The following CHN1 variants were observed in gnomAD, a reference collection of about 807,000 sequenced individuals.
CHN1 encodes the protein chimerin 1.
Under a neutral mutation model 59.5 loss-of-function variants are expected in CHN1, and 37 were observed. The ratio of observed to expected loss-of-function variants is 0.62; its 90% CI spans 0.48 to 0.82. CHN1 has a LOEUF of 0.82. CHN1 is among the 40% of genes least tolerant of loss of function. The probability of loss-of-function intolerance (pLI) is 0.00; values close to 1 mark genes in which losing one functional copy is unlikely to be tolerated. For synonymous variants in CHN1, 206 were observed against 200.4 expected, an observed-to-expected ratio of 1.03 and a Z score of -0.24; for missense variants, 469 against 571.0, an observed-to-expected ratio of 0.82 and a Z score of 1.82.
intron 4 of CHN1, 103 bp from the exon 5 acceptor site, chr2:174,915,274 A>T (rs2105370524): frequency 1.1e-6 from 1 of 871,588 alleles, no homozygotes; most frequent in Admixed American, 2.1e-5. Flanking sequence ...TGTTTTCAAG[A>T]CAAAGTACTG....
chr2:174,932,476 G>A (rs1689378334), intron 3 of CHN1, among the ~76,000 whole-genome samples: 1 of 152,162 alleles, frequency 6.6e-6, no homozygotes, highest in Non-Finnish European at 1.5e-5. Context: ...GGCTACCCAG[G>A]TTTTCAAAGA....
intron 2 of CHN1, among the ~76,000 whole-genome samples, chr2:174,947,673 C>T (rs1479178693): frequency 6.6e-6 from 1 of 151,560 alleles, no homozygotes; most frequent in East Asian, 1.9e-4. Flanking sequence ...TTATAGAGAC[C>T]GGGTTTCACC....
chr2:174,914,344 T>C (rs1164668495), intron 5 of CHN1, among the ~76,000 whole-genome samples: 1 of 152,180 alleles, frequency 6.6e-6, no homozygotes, highest in East Asian at 1.9e-4. Context: ...GCTCAGCTGA[T>C]AGGGAAGAGC....
At chr2:174,947,472 CTCTT>C (rs753298721) in intron 2 of CHN1, among the ~76,000 whole-genome samples, 29 of 150,686 alleles carry the variant, frequency 1.9e-4, no homozygotes, top group Admixed American at 6.0e-4. Flanking sequence ...ATCTTTAAGA[CTCTT>C]TTTTTTTTTA....
chr2:174,915,300 G>C, intron 4 of CHN1, 129 bp from the exon 5 acceptor site: 1 of 728,180 alleles, frequency 1.4e-6, no homozygotes. Flanking sequence ...TAATGGAAGG[G>C]AAGCACTTGG....
At chr2:174,991,809 G>A (rs1480785910) in intron 1 of CHN1, among the ~76,000 whole-genome samples, 2 of 152,142 alleles carry the variant, frequency 1.3e-5, no homozygotes, top group East Asian at 3.8e-4. Context: ...GAATACCATG[G>A]TTTAGGGGAG....
chr2:174,854,261 T>C (rs1686832204), intron 6 of CHN1, among the ~76,000 whole-genome samples: 1 of 152,080 alleles, frequency 6.6e-6, no homozygotes, highest in Admixed American at 6.6e-5. Flanking sequence ...TTTTCACCTG[T>C]TTGTGAAGAG....
At chr2:174,957,448 G>C (rs1428344780) in intron 1 of CHN1, among the ~76,000 whole-genome samples, 3 of 138,654 alleles carry the variant, frequency 2.2e-5, no homozygotes, top group Non-Finnish European at 4.7e-5. Context: ...GTGTGTGTTG[G>C]GGGGGGGGGC....
intron 5 of CHN1, among the ~76,000 whole-genome samples, chr2:174,886,778 A>C (rs13408856): frequency 0.11 from 16,222 of 152,164 alleles, 1,927 homozygotes; most frequent in African/African-American, 0.3. Context: ...TTTAGGACTT[A>C]GTGTTCATTA....
At chr2:174,965,637 T>C (rs1690567885) in intron 1 of CHN1, among the ~76,000 whole-genome samples, 1 of 152,194 alleles carries the variant, frequency 6.6e-6, no homozygotes, top group South Asian at 2.1e-4. Flanking sequence ...AATTTTGAAT[T>C]GTATAAACAG....
At chr2:174,959,469 C>G (rs1462037141) in intron 1 of CHN1, among the ~76,000 whole-genome samples, 1 of 152,158 alleles carries the variant, frequency 6.6e-6, no homozygotes, top group Non-Finnish European at 1.5e-5. Flanking sequence ...AAAAGTGCCT[C>G]AATCTCTTGA....
At chr2:174,848,318 G>A (rs750689333) in intron 6 of CHN1, among the ~76,000 whole-genome samples, 1 of 152,052 alleles carries the variant, frequency 6.6e-6, no homozygotes, top group African/African-American at 2.4e-5. Flanking sequence ...CTACTTATAG[G>A]ACCCATATAC....
chr2:174,818,001 G>A (rs1302668117), intron 8 of CHN1, among the ~76,000 whole-genome samples: 1 of 151,994 alleles, frequency 6.6e-6, no homozygotes, highest in Non-Finnish European at 1.5e-5. Context: ...TTGAACTCCT[G>A]ACCTCAGATG....
chr2:174,902,686 G>A (rs571616303), intron 5 of CHN1, among the ~76,000 whole-genome samples: 1 of 152,142 alleles, frequency 6.6e-6, no homozygotes, highest in Non-Finnish European at 1.5e-5. Flanking sequence ...CCTATCATGA[G>A]CTATCAGATC....
rs1457092581 is a variant in CHN1 at position 174,877,904 on chromosome 2, G to C, written c.485C>G (p.Pro162Arg). Residue 162 changes from proline to arginine, a missense_variant, in exon 6 of 13, where the codon CCA (proline) becomes CGA (arginine). Physicochemically the swap from Pro to Arg is moderately radical, Grantham distance 103 (BLOSUM62 -2). Coordinates refer to ENST00000409900, the MANE Select transcript of CHN1 (RefSeq NM_001822.7). The stretch of plus-strand genomic sequence containing the variant: ...CTCATCATGTGTCTCTTTCAGGACT[G>C]GCATATGTTTTTTGTATGCTGGCTC... ...NREPAYKKHM[P>R]VLKETHDERD... 6 of 1,613,682 alleles carry C rather than the reference G, an allele frequency of 3.7e-6. No individual in the cohort carries two copies. Among genetic ancestry groups the C allele is most frequent in the Admixed American group, 1.7e-5 (1 of 59,988 alleles).
chr2:174,967,538 C>A (rs1212367077), intron 1 of CHN1, among the ~76,000 whole-genome samples: 1 of 152,006 alleles, frequency 6.6e-6, no homozygotes, highest in African/African-American at 2.4e-5. Context: ...TCCAATTCAA[C>A]AACTTAGACT....
At chr2:174,809,371 T>C (rs1233125366) in intron 10 of CHN1, among the ~76,000 whole-genome samples, 1 of 152,218 alleles carries the variant, frequency 6.6e-6, no homozygotes, top group East Asian at 1.9e-4. Context: ...GGACCAAGCG[T>C]ACATGGTTAA....
rs558784520 is a variant in CHN1, at chr2:174,954,055, A to C, written c.20-1853T>G. Among the ~76,000 whole-genome samples the C allele has an allele frequency of 1.0e-3, 159 of 152,234 alleles. 1 individual carries two copies. The highest frequency in any genetic ancestry group is 1.7e-3 in the Non-Finnish European group (114 of 68,038). On this transcript the variant is annotated intron_variant, in intron 1 of 12. Coordinates refer to ENST00000409900, the MANE Select transcript of CHN1 (RefSeq NM_001822.7). ...CAGTTTCAAACTATACTATAAGGCC[A>C]TAGTTACCAAAACAGCATAGTACTG...
At chr2:174,979,312 A>G (rs1275399373) in intron 1 of CHN1, among the ~76,000 whole-genome samples, 1 of 152,184 alleles carries the variant, frequency 6.6e-6, no homozygotes, top group Non-Finnish European at 1.5e-5. Context: ...TACATAGAAT[A>G]ATTATTCCAC....
Sources: allele counts gnomAD v4.1 joint callset (sites outside exome capture counted in the v4.1 genomes callset), GRCh38; gene constraint gnomAD v4.1.1; transcripts MANE v1.5; gene names NCBI Gene and HGNC (gene_info 2026-07-23, HGNC 2026-07-21).